The following ZNF451 variants were observed in gnomAD, a reference collection of about 807,000 sequenced individuals.
ZNF451 encodes zinc finger protein 451.
ZNF451 carries 80 observed loss-of-function variants against 107.1 expected under a neutral mutation model. The ratio of observed to expected loss-of-function variants is 0.75; its 90% confidence interval spans 0.62 to 0.90. The LOEUF (loss-of-function observed/expected upper bound fraction) is 0.90. ZNF451 is among the 40% of genes least tolerant of loss of function. The pLI, the probability that ZNF451 is intolerant of heterozygous loss-of-function variation, is 0.00. For missense variants in ZNF451, 1,107 were observed against 1,236.2 expected (o/e 0.90, Z 1.57); for synonymous variants, 362 against 406.5 (o/e 0.89, Z 1.32).
intron 7 of ZNF451, among the ~76,000 whole-genome samples, chr6:57,139,524 G>A (rs1363267735): frequency 2.6e-5 from 4 of 152,106 alleles, no homozygotes; most frequent in Admixed American, 6.5e-5. Flanking sequence ...TGGTTCTAGT[G>A]TTAATGATAG....
intron 14 of ZNF451, among the ~76,000 whole-genome samples, chr6:57,166,137 C>T (rs910201504): frequency 1.3e-5 from 2 of 152,066 alleles, no homozygotes; most frequent in Non-Finnish European, 2.9e-5. Context: ...AAGCGATTCT[C>T]CCACCTCAGC....
intron 14 of ZNF451, among the ~76,000 whole-genome samples, chr6:57,163,481 C>T (rs376804434): frequency 2.1e-4 from 13 of 61,002 alleles, no homozygotes; most frequent in Admixed American, 1.5e-3. Context: ...GACGGAGTCT[C>T]GCTCTGTCGC....
At chr6:57,114,801 ATTAG>A (rs913354593) in intron 3 of ZNF451, 7 of 152,218 alleles carry the variant, frequency 4.6e-5, no homozygotes, top group Non-Finnish European at 1.0e-4. Context: ...AATAATTAAA[ATTAG>A]TTAACAATTT....
At chr6:57,108,330 G>T in intron 3 of ZNF451, 3 of 985,358 alleles carry the variant, frequency 3.0e-6, no homozygotes, top group Non-Finnish European at 3.6e-6. Flanking sequence ...GCTACAGTTA[G>T]ACCTCTTGTT....
At chr6:57,165,977 A>T (rs1389408254) in intron 14 of ZNF451, 2 of 151,754 alleles carry the variant, frequency 1.3e-5, no homozygotes, top group Non-Finnish European at 2.9e-5. Context: ...AAGGTCTAGG[A>T]TGTTACTGTA....
At chr6:57,152,384 A>C in intron 12 of ZNF451, 33 bp downstream of exon 12, 3 of 1,611,938 alleles carry the variant, frequency 1.9e-6, no homozygotes, top group Non-Finnish European at 1.7e-6. Context: ...ATCTAATGTG[A>C]ATCTCAGACC....
In ZNF451 at chr6:57,128,718, A is replaced by C. The variant is rs770988050; in HGVS notation, c.313-11A>C. 1.1e-5 allele frequency: 17 copies of C among 1,588,826 alleles called. No individual in the cohort carries two copies. In the African/African-American group the frequency reaches 1.6e-4, roughly 15 times the overall value. On this transcript the variant is annotated splice_polypyrimidine_tract_variant and intron_variant, in intron 4 of 14. Coordinates refer to ENST00000370706, the MANE Select transcript of ZNF451 (RefSeq NM_001031623.3). ...AGTAATCTTAATTGAGTTTTTTCTT[A>C]ATGTCTTCAGGAAAAAATTGATTTT...
rs1486561512 is a variant in ZNF451 at position 57,141,473 on chromosome 6, TCTG to T, written c.856+22_856+24del. On this transcript the variant is annotated intron_variant, in intron 8 of 14. Coordinates refer to ENST00000370706, the MANE Select transcript of ZNF451 (RefSeq NM_001031623.3). ...ACTGGGTGGTATGTTAATACTCTCT[TCTG>T]CTGAAAATTAAACTACTTGAATCTT... The T allele has an allele frequency of 6.3e-7, 1 of 1,586,572 alleles. No homozygotes were observed. The highest frequency in any genetic ancestry group is 2.3e-5 in the East Asian group (1 of 44,250).
intron 3 of ZNF451, among the ~76,000 whole-genome samples, chr6:57,122,071 A>T (rs183013283): frequency 2.6e-5 from 4 of 152,276 alleles, no homozygotes; most frequent in Admixed American, 1.3e-4. Flanking sequence ...GGAATAAAGC[A>T]GCACAGGCAC....
chr6:57,162,131 A>G (rs547200271), intron 14 of ZNF451, among the ~76,000 whole-genome samples: 1 of 152,342 alleles, frequency 6.6e-6, no homozygotes, highest in African/African-American at 2.4e-5. Flanking sequence ...GACATTAAAG[A>G]AAAACAGTAG....
chr6:57,107,916 G>A, intron 3 of ZNF451: 1 of 677,788 alleles, frequency 1.5e-6, no homozygotes, highest in Non-Finnish European at 1.8e-6. Context: ...ACGGCTCACT[G>A]CAAGCTCTGC....
At chr6:57,143,510 T>C (rs1463100894) in intron 9 of ZNF451, among the ~76,000 whole-genome samples, 1 of 152,224 alleles carries the variant, frequency 6.6e-6, no homozygotes, top group African/African-American at 2.4e-5. Context: ...GGTAGAAGTT[T>C]AGATTGACTT....
intron 3 of ZNF451, chr6:57,101,325 T>C: frequency 6.4e-7 from 1 of 1,550,738 alleles, no homozygotes; most frequent in East Asian, 2.4e-5. Context: ...TGCATCCTCT[T>C]CTGAGAATTG....
chr6:57,167,178 T>TAC lies in ZNF451; in HGVS notation c.3140-1244_3140-1243insCA, dbSNP rs201549441. On this transcript the variant is annotated intron_variant, in intron 14 of 14. Coordinates refer to ENST00000370706, the MANE Select transcript of ZNF451 (RefSeq NM_001031623.3). ...AAAACAGACGTTGTGATTTCGTATA[T>TAC]ATATACACACACACACACACACACA... 3.0e-3 allele frequency among the ~76,000 whole-genome samples: 454 copies of TAC among 150,646 alleles called. 8 individuals are homozygous for TAC. Among genetic ancestry groups the TAC allele is most frequent in the Admixed American group, 0.019 (292 of 15,234 alleles).
At chr6:57,105,510 C>G in intron 3 of ZNF451, 1 of 985,138 alleles carries the variant, frequency 1.0e-6, no homozygotes, top group Non-Finnish European at 1.2e-6. Context: ...TACAATTGCA[C>G]TATCTAAATG....
At chr6:57,098,421 T>A (rs115999576) in intron 2 of ZNF451, among the ~76,000 whole-genome samples, 7,415 of 152,182 alleles carry the variant, frequency 0.049, 241 homozygotes, top group Middle Eastern at 0.078. Flanking sequence ...CACCATTAGT[T>A]CTGCATTGTC....
rs928615456 is a variant in ZNF451, at chr6:57,106,072, G to A, written c.186+6931G>A. 4 of 985,112 alleles carry A rather than the reference G, an allele frequency of 4.1e-6. No homozygotes were observed. The African/African-American group carries it at 7.0e-5, about 17-fold the overall frequency. 61.0% of individuals were successfully genotyped at this position (985,112 alleles called of 1,614,324 possible). A position where few individuals can be genotyped will look rare whatever the true frequency, so the allele number is the denominator to read the frequency against. On this transcript the variant is annotated intron_variant, in intron 3 of 14. Coordinates refer to ENST00000370706, the MANE Select transcript of ZNF451 (RefSeq NM_001031623.3). ...TGAGTGCTACCTAAGTGACCTGATT[G>A]ATAATGTCCTTAAGGACCTGATACA... is the stretch of plus-strand genomic sequence containing the variant.
intron 14 of ZNF451, among the ~76,000 whole-genome samples, chr6:57,164,049 T>G (rs1763796418): frequency 6.6e-6 from 1 of 152,230 alleles, no homozygotes; most frequent in Middle Eastern, 3.2e-3. Context: ...GCTTTTTGCC[T>G]TAGGGTAATT....
At chr6:57,145,817 G>T (rs1311485128) in intron 9 of ZNF451, among the ~76,000 whole-genome samples, 4 of 152,160 alleles carry the variant, frequency 2.6e-5, no homozygotes, top group African/African-American at 7.2e-5. Context: ...GTAGATACCA[G>T]TAGTGGGACT....
Sources: allele counts gnomAD v4.1 joint callset (sites outside exome capture counted in the v4.1 genomes callset), GRCh38; gene constraint gnomAD v4.1.1; transcripts MANE v1.5; gene names NCBI Gene and HGNC (gene_info 2026-07-23, HGNC 2026-07-21).